Variants in SLC7A10 observed in about 807,000 individuals in gnomAD.
SLC7A10 encodes the protein solute carrier family 7 member 10.
Under a neutral mutation model 52.7 loss-of-function variants are expected in SLC7A10, and 30 were observed. The observed-to-expected ratio is 0.57, with a 90% CI of 0.43 to 0.77. The LOEUF is 0.77. Ranked by LOEUF, SLC7A10 falls within the 30% of genes least tolerant of loss-of-function variation. The pLI is 0.00. For missense variants in SLC7A10, 581 were observed against 698.5 expected (o/e 0.83, Z 1.90); for synonymous variants, 318 against 314.9 (o/e 1.01, Z -0.10).
chr19:33,210,805 G>A lies in SLC7A10; in HGVS notation c.1110C>T (p.Val370=). 6.2e-7 allele frequency: 1 copy of A among 1,613,508 alleles called. No homozygotes were observed. The highest frequency in any genetic ancestry group is 8.5e-7 in the Non-Finnish European group (1 of 1,180,014). The change falls in exon 8 of 11, where the codon GTC becomes GTT. Residue 370 remains valine, a synonymous_variant. Transcript: ENST00000253188. The surrounding 1 kb of genome is among the most constrained non-coding windows in gnomAD (Gnocchi z 5.6). ...RHCTPIPALL[V]CCGATAVIML... is the part of the protein sequence containing the mutation. ...TGGCCCAGGTCCCCCAACTTACACA[G>A]ACGAGGAGGGCGGGGATGGGGGTGC...
Position 33,212,804 on chromosome 19 carries a change from C to T in SLC7A10, c.508+47G>A, listed in dbSNP as rs539580572. 6.8e-6 allele frequency: 11 copies of T among 1,608,882 alleles called. 1 individual carries two copies. Among genetic ancestry groups the T allele is most frequent in the African/African-American group, 6.7e-5 (5 of 74,988 alleles). ...CTCCTGCTCAGGGCAGGATGGAGCC[C>T]GGGCAGGTGGCTGATCTGGGGACAG... On this transcript the variant is annotated intron_variant, in intron 3 of 10. Transcript: ENST00000253188.
intron 1 of SLC7A10, 73 bp downstream of exon 1, chr19:33,225,480 C>T (rs1294063614): frequency 2.6e-6 from 4 of 1,546,160 alleles, no homozygotes; most frequent in Non-Finnish European, 3.5e-6. Context: ...GGAGAGGGGA[C>T]GCCCCTCGTT....
intron 2 of SLC7A10, 130 bp downstream of exon 2, chr19:33,215,639 A>ACCTTCTCTCCATCCAGCCCCCCCC: frequency 4.4e-6 from 2 of 459,606 alleles, no homozygotes; most frequent in Non-Finnish European, 6.0e-6. Flanking sequence ...CACCCCCCAC[A>ACCTTCTCTCCATCCAGCCCCCCCC]CCTTCTCTCC....
rs760567259 is a variant in SLC7A10 at position 33,212,625 on chromosome 19, C to T, written c.523G>A (p.Val175Met). 18 of 1,613,674 alleles carry T rather than the reference C, an allele frequency of 1.1e-5. No homozygotes were observed. The highest frequency in any genetic ancestry group is 1.6e-4 in the Middle Eastern group (1 of 6,084). Residue 175 changes from valine (V) to methionine (M), a missense_variant, in exon 4 of 11, where the codon GTG (valine) becomes ATG (methionine). Transcript: ENST00000253188. ...GCCCAGCGCACACTGGAGCTGTTCACCCATGTCAGGAGCACTGCGGAGGGA... is the reference window on the plus strand; with the variant it reads ...GCCCAGCGCACACTGGAGCTGTTCATCCATGTCAGGAGCACTGCGGAGGGA... ...SMACLMLLTW[V>M]NSSSVRWATR...
chr19:33,215,117 A>T (rs1418278660), intron 2 of SLC7A10, among the ~76,000 whole-genome samples: 1 of 151,940 alleles, frequency 6.6e-6, no homozygotes, highest in Non-Finnish European at 1.5e-5. Flanking sequence ...AATACAAAAA[A>T]ATTAGCCAGG....
chr19:33,215,224 C>T (rs557599121), intron 2 of SLC7A10, among the ~76,000 whole-genome samples: 17 of 148,388 alleles, frequency 1.1e-4, no homozygotes, highest in African/African-American at 3.5e-4. Flanking sequence ...GCTGAGATCA[C>T]GCCATTGCAC....
intron 2 of SLC7A10, among the ~76,000 whole-genome samples, chr19:33,213,887 C>T (rs1599950122): frequency 6.6e-6 from 1 of 152,160 alleles, no homozygotes; most frequent in East Asian, 1.9e-4. Flanking sequence ...TTCCTGCACC[C>T]AGGGGTGGGT....
chr19:33,221,976 CTGTT>C (rs537232124), intron 1 of SLC7A10, among the ~76,000 whole-genome samples: 342 of 152,282 alleles, frequency 2.2e-3, no homozygotes, highest in Middle Eastern at 0.014. Flanking sequence ...GGCCGTCTGT[CTGTT>C]TGTCCACCCA....
chr19:33,211,353 A>G lies in SLC7A10; in HGVS notation c.913-25T>C, dbSNP rs61759827. Reference sequence around the variant, plus strand: ...TCTGGGTGGGCACAGTAGAGAGGCCATGTGTAAGGCCGGGGCAGGGGCCTG... The same window carrying G: ...TCTGGGTGGGCACAGTAGAGAGGCCGTGTGTAAGGCCGGGGCAGGGGCCTG... On this transcript the variant is annotated intron_variant, in intron 6 of 10. Coordinates refer to ENST00000253188, the MANE Select transcript of SLC7A10 (RefSeq NM_019849.3). The G allele has an allele frequency of 0.14, 230,761 of 1,613,566 alleles. 18,176 individuals are homozygous for G. Among genetic ancestry groups the G allele is most frequent in the Middle Eastern group, 0.16 (992 of 6,062 alleles).
Position 33,210,778 on chromosome 19 carries a change from C to T in SLC7A10, c.1113+24G>A, listed in dbSNP as rs1043080148. ...CGGGTAGCCCTGCCTCCACGCCCTG[C>T]CTGGCCCAGGTCCCCCAACTTACAC... On this transcript the variant is annotated intron_variant, in intron 8 of 10. Coordinates refer to ENST00000253188, the MANE Select transcript of SLC7A10 (RefSeq NM_019849.3). The surrounding 1 kb of genome is among the most constrained non-coding windows in gnomAD (Gnocchi z 5.6). The T allele has an allele frequency of 6.2e-7, 1 of 1,612,638 alleles. No individual in the cohort carries two copies. Among genetic ancestry groups the T allele is most frequent in the Non-Finnish European group, 8.5e-7 (1 of 1,179,458 alleles).
At position 33,225,734 on chromosome 19, in the gene SLC7A10, C is replaced by G; in HGVS notation, c.-31G>C. 1 of 1,478,036 alleles carries G rather than the reference C, an allele frequency of 6.8e-7. No individual in the cohort carries two copies. Among genetic ancestry groups the G allele is most frequent in the Admixed American group, 2.3e-5 (1 of 42,672 alleles). The allele number at this position is 1,478,036 out of a possible 1,614,324, so 91.6% of individuals were successfully genotyped here. ...TGTCCCGCCGCGTCCCCGCTCCCTG[C>G]GCTGCCCCGTCTGTCCGGCCGGCCG... On this transcript the variant is annotated 5_prime_UTR_variant, in exon 1 of 11. Coordinates refer to ENST00000253188, the MANE Select transcript of SLC7A10 (RefSeq NM_019849.3).
rs748291456 is a variant in SLC7A10, at chr19:33,210,639, C to T, written c.1114-23G>A. 19 of 1,610,194 alleles carry T rather than the reference C, an allele frequency of 1.2e-5. No homozygotes were observed. Among genetic ancestry groups the T allele is most frequent in the Middle Eastern group, 1.6e-4 (1 of 6,078 alleles). ...GCACTGGGAGAGGACCTGGGGCTGA[C>T]GGCTGGCCCCTAGCCTGCCTCCTGA... On this transcript the variant is annotated intron_variant, in intron 8 of 10. Transcript: ENST00000253188. This position sits in a 1 kb window ranked among gnomAD's most constrained non-coding sequence, Gnocchi z 5.6.
Position 33,212,375 on chromosome 19 carries a change from G to A in SLC7A10, c.705C>T (p.Ala235=), listed in dbSNP as rs1185239010. ...CGAAGGAGCCCTGGAGGAAGGCCAG[G>A]GCCAGGTGTCCCACGGAGGGCGTCA... is the stretch of plus-strand genomic sequence containing the variant. ...FWMTPSVGHL[A]LAFLQGSFAF... The change falls in exon 5 of 11, where the codon GCC becomes GCT. Residue 235 remains alanine (A), a synonymous_variant. Transcript: ENST00000253188. The A allele has an allele frequency of 1.2e-6, 2 of 1,613,774 alleles. No individual in the cohort carries two copies. Among genetic ancestry groups the A allele is most frequent in the Non-Finnish European group, 8.5e-7 (1 of 1,180,054 alleles).
At position 33,212,464 on chromosome 19, in the gene SLC7A10, G is replaced by T; in HGVS notation, c.635-19C>A. On this transcript the variant is annotated intron_variant, in intron 4 of 10. Coordinates refer to ENST00000253188, the MANE Select transcript of SLC7A10 (RefSeq NM_019849.3). ...AAGTGTCCTGGAGGCCCAGAAGTCGGGGGTCAGCACCATCTCCCCAGCCCG... is the reference window on the plus strand; with the variant it reads ...AAGTGTCCTGGAGGCCCAGAAGTCGTGGGTCAGCACCATCTCCCCAGCCCG... 1 of 1,613,930 alleles carries T rather than the reference G, an allele frequency of 6.2e-7. No individual in the cohort carries two copies. The highest frequency in any genetic ancestry group is 8.5e-7 in the Non-Finnish European group (1 of 1,180,038).
At chr19:33,211,664 G>A in intron 5 of SLC7A10, 127 bp from the exon 6 acceptor site, 1 of 1,547,700 alleles carries the variant, frequency 6.5e-7, no homozygotes, top group East Asian at 2.3e-5. Flanking sequence ...GCAGGAAAGG[G>A]GGCAGCATTG....
intron 1 of SLC7A10, among the ~76,000 whole-genome samples, chr19:33,218,681 CTT>C (rs60465370): frequency 6.1e-5 from 5 of 81,810 alleles, no homozygotes; most frequent in Non-Finnish European, 1.4e-4. Context: ...TTCTTTCTTT[CTT>C]TTTTTTTTTT....
chr19:33,223,040 G>A (rs1974846099), intron 1 of SLC7A10, among the ~76,000 whole-genome samples: 1 of 151,994 alleles, frequency 6.6e-6, no homozygotes, highest in African/African-American at 2.4e-5. Flanking sequence ...GGGCAGGGTG[G>A]CTCACACCTG....
intron 10 of SLC7A10, 130 bp from the exon 11 acceptor site, chr19:33,209,151 T>C: frequency 6.5e-7 from 1 of 1,536,832 alleles, no homozygotes; most frequent in Non-Finnish European, 8.9e-7. Context: ...CTGGAAACTT[T>C]GGGTACATCT....
chr19:33,209,498 G>A lies in SLC7A10; in HGVS notation c.1264-13C>T. ...TGAGAAGGTTCACCTGGGGAAGGGG[G>A]AGCAGAAACACCGATGGTGCAGGGC... On this transcript the variant is annotated splice_polypyrimidine_tract_variant and intron_variant, in intron 9 of 10. Transcript: ENST00000253188. 6.2e-7 allele frequency: 1 copy of A among 1,613,468 alleles called. No homozygotes were observed. Among genetic ancestry groups the A allele is most frequent in the Non-Finnish European group, 8.5e-7 (1 of 1,179,890 alleles).
Sources: gnomAD v4.1 joint callset for allele counts (sites outside exome capture counted in the v4.1 genomes callset) on GRCh38, gnomAD v4.1.1 for gene constraint, Gnocchi (gnomAD v3.1) non-coding constraint, MANE v1.5 for transcripts, NCBI Gene and HGNC (gene_info 2026-07-23, HGNC 2026-07-21) for gene names.